ZNF385D: variants seen among roughly 807,000 people sequenced by gnomAD.
ZNF385D encodes the protein zinc finger protein 659.
Under a neutral mutation model 35.8 loss-of-function variants are expected in ZNF385D, and 15 were observed. The observed-to-expected ratio is 0.42, with a 90% confidence interval of 0.28 to 0.64. The LOEUF is 0.64. ZNF385D is among the 30% of genes least tolerant of loss of function. The pLI, the probability that ZNF385D is intolerant of heterozygous loss-of-function variation, is 0.23. For missense variants in ZNF385D, 474 were observed against 494.6 expected, an observed-to-expected ratio of 0.96 and a Z score of 0.39; for synonymous variants, 212 against 186.8, an observed-to-expected ratio of 1.13 and a Z score of -1.10.
intron 3 of ZNF385D, among the ~76,000 whole-genome samples, chr3:21,806,779 C>T (rs532753480): frequency 1.1e-4 from 17 of 152,144 alleles, no homozygotes; most frequent in Non-Finnish European, 2.1e-4. Flanking sequence ...TTGTGGCTCC[C>T]GCTAAGAATA....
chr3:21,933,438 T>A (rs1029018060), intron 3 of ZNF385D, among the ~76,000 whole-genome samples: 1 of 152,196 alleles, frequency 6.6e-6, no homozygotes, highest in Non-Finnish European at 1.5e-5. Context: ...CTATTGATGG[T>A]AATTTAAGAA....
intron 3 of ZNF385D, among the ~76,000 whole-genome samples, chr3:22,015,631 A>T (rs1696838849): frequency 6.6e-6 from 1 of 152,116 alleles, no homozygotes; most frequent in African/African-American, 2.4e-5. Flanking sequence ...GTGAACACAA[A>T]CATCATCATT....
chr3:21,990,862 C>T (rs977591273), intron 3 of ZNF385D, among the ~76,000 whole-genome samples: 22 of 152,152 alleles, frequency 1.4e-4, no homozygotes, highest in African/African-American at 5.1e-4. Context: ...CAGAATGCTA[C>T]ATGTGAGGAC....
intron 2 of ZNF385D, among the ~76,000 whole-genome samples, chr3:22,179,477 A>G (rs1395161527): frequency 6.6e-6 from 1 of 152,262 alleles, no homozygotes; most frequent in Non-Finnish European, 1.5e-5. Flanking sequence ...CGGCTTAAGG[A>G]GATTTTGGGC....
intron 3 of ZNF385D, among the ~76,000 whole-genome samples, chr3:22,047,445 G>A (rs988717682): frequency 3.3e-5 from 5 of 151,976 alleles, no homozygotes; most frequent in Non-Finnish European, 7.4e-5. Context: ...TGTACTTTCT[G>A]CTTCTGTGAG....
At chr3:21,843,749 G>T (rs187327778) in intron 3 of ZNF385D, among the ~76,000 whole-genome samples, 2 of 152,062 alleles carry the variant, frequency 1.3e-5, no homozygotes, top group Admixed American at 1.3e-4. Flanking sequence ...AGCAGATGGT[G>T]AATTCTTAAT....
intron 3 of ZNF385D, among the ~76,000 whole-genome samples, chr3:21,795,117 G>C (rs539436515): frequency 1.3e-5 from 2 of 152,338 alleles, no homozygotes; most frequent in African/African-American, 4.8e-5. Flanking sequence ...GCTTAAGTTA[G>C]AGTGTTCCAG....
intron 3 of ZNF385D, among the ~76,000 whole-genome samples, chr3:21,756,240 T>G (rs2070334376): frequency 1.3e-5 from 2 of 152,200 alleles, no homozygotes; most frequent in African/African-American, 4.8e-5. Flanking sequence ...GGTCAGATTC[T>G]CTACATGTAC....
chr3:22,042,852 T>TCTTC (rs1698751736), intron 3 of ZNF385D, among the ~76,000 whole-genome samples: 1 of 152,178 alleles, frequency 6.6e-6, no homozygotes, highest in Non-Finnish European at 1.5e-5. Context: ...CTTTGGAAGA[T>TCTTC]CACAGACATA....
chr3:21,916,338 T>C (rs1336267355), intron 3 of ZNF385D, among the ~76,000 whole-genome samples: 1 of 152,164 alleles, frequency 6.6e-6, no homozygotes, highest in Non-Finnish European at 1.5e-5. Context: ...TTAATTTTGT[T>C]CTTCAAACTA....
intron 3 of ZNF385D, among the ~76,000 whole-genome samples, chr3:21,999,787 A>G (rs1695722110): frequency 1.3e-5 from 2 of 151,654 alleles, no homozygotes; most frequent in Non-Finnish European, 2.9e-5. Context: ...AAAAAAAATA[A>G]TAATAATGAA....
At chr3:22,300,116 A>G (rs1309092311) in intron 2 of ZNF385D, among the ~76,000 whole-genome samples, 1 of 151,976 alleles carries the variant, frequency 6.6e-6, no homozygotes, top group East Asian at 1.9e-4. Context: ...CAACACATAG[A>G]CCAATGGAAT....
upstream of ZNF385D, among the ~76,000 whole-genome samples, chr3:21,755,095 T>C (rs1029668594): frequency 3.9e-5 from 6 of 152,218 alleles, no homozygotes; most frequent in African/African-American, 1.4e-4. Context: ...CAAATTCTCA[T>C]AGCTGCATGG....
intron 3 of ZNF385D, among the ~76,000 whole-genome samples, chr3:21,796,098 T>C (rs546979689): frequency 1.3e-5 from 2 of 152,160 alleles, no homozygotes; most frequent in Non-Finnish European, 2.9e-5. Context: ...AACAGTTGCT[T>C]TTCCTGTTTA....
At chr3:21,566,930 A>T (rs575127377) in intron 2 of ZNF385D, among the ~76,000 whole-genome samples, 10 of 152,274 alleles carry the variant, frequency 6.6e-5, no homozygotes, top group African/African-American at 2.4e-4. Context: ...GCCATTTCAC[A>T]TAAATGTTAT....
intron 3 of ZNF385D, among the ~76,000 whole-genome samples, chr3:22,106,822 T>C (rs1489192557): frequency 6.6e-6 from 1 of 152,134 alleles, no homozygotes; most frequent in African/African-American, 2.4e-5. Flanking sequence ...AGTATCAGCA[T>C]AGGTTAGACT....
intron 3 of ZNF385D, among the ~76,000 whole-genome samples, chr3:21,526,723 A>C (rs186309007): frequency 6.6e-6 from 1 of 152,228 alleles, no homozygotes; most frequent in Non-Finnish European, 1.5e-5. Flanking sequence ...AGGACAATTT[A>C]ATGCTAATTC....
intron 1 of ZNF385D, among the ~76,000 whole-genome samples, chr3:21,711,945 T>G (rs917037349): frequency 6.6e-6 from 1 of 152,226 alleles, no homozygotes; most frequent in Non-Finnish European, 1.5e-5. Context: ...CACAATTATG[T>G]AAATGTCACT....
At chr3:21,514,289 G>A (rs977386418) in intron 3 of ZNF385D, among the ~76,000 whole-genome samples, 1 of 152,072 alleles carries the variant, frequency 6.6e-6, no homozygotes. Context: ...AGTTAAATAA[G>A]TAACTGTACT....
Sources: allele counts gnomAD v4.1 joint callset (sites outside exome capture counted in the v4.1 genomes callset), GRCh38; gene constraint gnomAD v4.1.1; transcripts MANE v1.5; gene names NCBI Gene and HGNC (gene_info 2026-07-23, HGNC 2026-07-21).